The following SCD5 variants were observed in gnomAD, a reference collection of about 807,000 sequenced individuals.
SCD5 encodes the protein stearoyl-CoA desaturase 5.
In SCD5, 20 loss-of-function variants were observed where a neutral mutation model predicts 30.4. The observed-to-expected ratio is 0.66, with a 90% CI of 0.46 to 0.96. SCD5 has a LOEUF of 0.96. Among genes scored for constraint, SCD5 ranks in the 40% least tolerant of loss-of-function variants. The pLI is 0.00. For missense variants in SCD5, 381 were observed against 443.3 expected, an observed-to-expected ratio of 0.86 and a Z score of 1.26; for synonymous variants, 173 against 176.4, an observed-to-expected ratio of 0.98 and a Z score of 0.16.
chr4:82,798,788 G>T lies in SCD5; in HGVS notation c.-251C>A, dbSNP rs999195091. Reference sequence around the variant, plus strand: ...CCATATGGCTGCCCGGGCTGAACTCGGCCGCGAGAAAGAGGAGGCGCGCGC... The same window carrying T: ...CCATATGGCTGCCCGGGCTGAACTCTGCCGCGAGAAAGAGGAGGCGCGCGC... On this transcript the variant is annotated 5_prime_UTR_variant, in exon 1 of 5. Transcript: ENST00000319540. 2 of 444,054 alleles carry T rather than the reference G, an allele frequency of 4.5e-6. No homozygotes were observed. Among genetic ancestry groups the T allele is most frequent in the East Asian group, 4.0e-5 (1 of 24,884 alleles). The allele number at this position is 444,054 out of a possible 1,614,324, so 27.5% of individuals were successfully genotyped here. A position where few individuals can be genotyped will look rare whatever the true frequency, so the allele number is the denominator to read the frequency against.
chr4:82,649,221 G>C, intron 3 of SCD5, among the ~76,000 whole-genome samples: 1 of 144,330 alleles, frequency 6.9e-6, no homozygotes. Flanking sequence ...GTGTGTGTGT[G>C]AGATTCTTCA....
At chr4:82,797,479 A>C (rs1248916180) in intron 1 of SCD5, among the ~76,000 whole-genome samples, 3 of 149,984 alleles carry the variant, frequency 2.0e-5, no homozygotes, top group Non-Finnish European at 4.5e-5. Context: ...GGGGAAGGGG[A>C]ATGGTGGTCG....
chr4:82,673,676 C>G (rs1286766952), intron 3 of SCD5, among the ~76,000 whole-genome samples: 1 of 152,086 alleles, frequency 6.6e-6, no homozygotes, highest in African/African-American at 2.4e-5. Flanking sequence ...TACGTGGAGG[C>G]AAATGACTCA....
chr4:82,656,058 A>G (rs1727861032), intron 3 of SCD5, among the ~76,000 whole-genome samples: 2 of 151,798 alleles, frequency 1.3e-5, no homozygotes, highest in African/African-American at 4.8e-5. Flanking sequence ...AAAGACAAGT[A>G]CTCCTGGTTT....
At chr4:82,660,473 A>T (rs1727972606) in intron 3 of SCD5, 2 of 960,914 alleles carry the variant, frequency 2.1e-6, no homozygotes, top group African/African-American at 3.5e-5. Flanking sequence ...TTTAGAACCT[A>T]AAGTTTTTAT....
At chr4:82,692,299 TGC>T (rs1719551448) in intron 2 of SCD5, 1 of 154,400 alleles carries the variant, frequency 6.5e-6, no homozygotes, top group Non-Finnish European at 1.5e-5. Flanking sequence ...ACAAGGGCAG[TGC>T]CCTCGGGACC....
chr4:82,794,818 T>C (rs1722176472), intron 1 of SCD5, among the ~76,000 whole-genome samples: 1 of 152,008 alleles, frequency 6.6e-6, no homozygotes, highest in African/African-American at 2.4e-5. Context: ...CCCGGCTAAT[T>C]TTTGTATTTT....
At chr4:82,791,567 A>G (rs2148854462) in intron 1 of SCD5, among the ~76,000 whole-genome samples, 1 of 152,336 alleles carries the variant, frequency 6.6e-6, no homozygotes, top group South Asian at 2.1e-4. Flanking sequence ...AAACGTGTGG[A>G]TGGAAAAGGA....
intron 3 of SCD5, among the ~76,000 whole-genome samples, chr4:82,669,317 A>AAT (rs2148818747): frequency 6.6e-6 from 1 of 152,018 alleles, no homozygotes; most frequent in Admixed American, 6.6e-5. Context: ...AAAAAAAAAA[A>AAT]AAGGAAAGTA....
chr4:82,755,805 G>T (rs555666630), intron 1 of SCD5, among the ~76,000 whole-genome samples: 1 of 152,262 alleles, frequency 6.6e-6, no homozygotes, highest in Admixed American at 6.5e-5. Flanking sequence ...GTCTTCAAAT[G>T]CATGATACCA....
rs572744404 is a variant in SCD5 at position 82,660,747 on chromosome 4, C to T, written c.569+19960G>A. The T allele has an allele frequency of 9.3e-6, 14 of 1,500,844 alleles. No homozygotes were observed. In the African/African-American group the frequency reaches 2.0e-4, roughly 21 times the overall value. The allele number at this position is 1,500,844 out of a possible 1,614,324, so 93.0% of individuals were successfully genotyped here. ...TCAACTGATTGAATCAATAAATAAC[C>T]TAATGTTAGCACAGACTGCAGCTCT... On this transcript the variant is annotated intron_variant, in intron 3 of 4. Coordinates refer to ENST00000319540, the MANE Select transcript of SCD5 (RefSeq NM_001037582.3).
rs1553914412 is a variant in SCD5 at position 82,653,695 on chromosome 4, T to TAGATAGATAGATAGAC, written c.570-16873_570-16872insGTCTATCTATCTATCT. Among the ~76,000 whole-genome samples, 50 of 142,824 alleles carry TAGATAGATAGATAGAC rather than the reference T, an allele frequency of 3.5e-4. No homozygotes were observed. The East Asian group carries it at 8.3e-3, about 24-fold the overall frequency. 93.7% of individuals were successfully genotyped at this position (142,824 alleles called of 152,430 possible). ...AGTCAATGATAGATAGATAGATAGA[T>TAGATAGATAGATAGAC]AGATAGATAGATATAGATAGATAGA... is the stretch of plus-strand genomic sequence containing the variant. On this transcript the variant is annotated intron_variant, in intron 3 of 4. Coordinates refer to ENST00000319540, the MANE Select transcript of SCD5 (RefSeq NM_001037582.3).
At chr4:82,648,518 C>A (rs149758428) in intron 3 of SCD5, among the ~76,000 whole-genome samples, 1 of 83,604 alleles carries the variant, frequency 1.2e-5, no homozygotes, top group East Asian at 3.9e-4. Context: ...TCTCGAGAAA[C>A]AACAGTGGAT....
chr4:82,724,963 T>A (rs938410016), intron 1 of SCD5, among the ~76,000 whole-genome samples: 1 of 152,174 alleles, frequency 6.6e-6, no homozygotes, highest in Non-Finnish European at 1.5e-5. Flanking sequence ...TTTCACTCTC[T>A]CCCATGCAAA....
intron 1 of SCD5, among the ~76,000 whole-genome samples, chr4:82,750,286 C>T (rs921847411): frequency 6.6e-6 from 1 of 152,184 alleles, no homozygotes; most frequent in Admixed American, 6.5e-5. Context: ...TCCATCTCCC[C>T]ATCCTCTGTG....
At chr4:82,726,809 T>C (rs566481209) in intron 1 of SCD5, among the ~76,000 whole-genome samples, 1 of 152,280 alleles carries the variant, frequency 6.6e-6, no homozygotes, top group Admixed American at 6.5e-5. Context: ...CCTATGCTTC[T>C]TGGCATGCTC....
At chr4:82,647,810 T>G (rs561764870) in intron 3 of SCD5, among the ~76,000 whole-genome samples, 32 of 152,372 alleles carry the variant, frequency 2.1e-4, no homozygotes, top group African/African-American at 7.2e-4. Context: ...AAGATATACA[T>G]GTTCAATTAC....
intron 1 of SCD5, among the ~76,000 whole-genome samples, chr4:82,768,588 T>C (rs1721543318): frequency 6.6e-6 from 1 of 152,196 alleles, no homozygotes; most frequent in Admixed American, 6.5e-5. Flanking sequence ...AATGCATTAT[T>C]TGCAATTAAA....
chr4:82,633,586 T>G (rs956558737), intron 4 of SCD5, among the ~76,000 whole-genome samples: 2 of 152,222 alleles, frequency 1.3e-5, no homozygotes, highest in Admixed American at 1.3e-4. Context: ...CTACACTAAT[T>G]TACATTCTCA....
Sources: allele counts gnomAD v4.1 joint callset (sites outside exome capture counted in the v4.1 genomes callset), GRCh38; gene constraint gnomAD v4.1.1; transcripts MANE v1.5; gene names NCBI Gene and HGNC (gene_info 2026-07-23, HGNC 2026-07-21).